Variants in FHIT observed in about 807,000 individuals in gnomAD.
FHIT encodes fragile histidine triad diadenosine triphosphatase.
A neutral mutation model predicts 17.9 loss-of-function variants in FHIT; 19 were observed. The ratio of observed to expected loss-of-function variants is 1.06; its 90% CI spans 0.74 to 1.56. FHIT has a LOEUF of 1.56. FHIT is among the 40% of genes most tolerant of loss of function. The pLI is 0.00. For synonymous variants in FHIT, 81 were observed against 69.7 expected, an observed-to-expected ratio of 1.16 and a Z score of -0.81; for missense variants, 248 against 189.2, an observed-to-expected ratio of 1.31 and a Z score of -1.82.
chr3:60,419,855 T>C (rs557564020), intron 5 of FHIT, among the ~76,000 whole-genome samples: 1 of 152,290 alleles, frequency 6.6e-6, no homozygotes, highest in South Asian at 2.1e-4. Context: ...CTATACTTTT[T>C]CTTCGTTTTG....
chr3:59,804,741 C>T (rs1700129672), intron 8 of FHIT, among the ~76,000 whole-genome samples: 1 of 152,176 alleles, frequency 6.6e-6, no homozygotes, highest in East Asian at 1.9e-4. Context: ...GCCTGCAGAC[C>T]CTATTTTCCT....
chr3:60,333,425 A>C (rs1382745125), intron 5 of FHIT, among the ~76,000 whole-genome samples: 2 of 152,200 alleles, frequency 1.3e-5, no homozygotes, highest in Admixed American at 1.3e-4. Flanking sequence ...TGTGAAAAAC[A>C]GTATTGCTGA....
intron 5 of FHIT, among the ~76,000 whole-genome samples, chr3:60,345,081 T>C (rs1710709745): frequency 6.6e-6 from 1 of 152,230 alleles, no homozygotes; most frequent in Non-Finnish European, 1.5e-5. Context: ...AGGAACATCC[T>C]AATCCCTTTT....
At chr3:60,097,469 C>T (rs533428277) in intron 5 of FHIT, among the ~76,000 whole-genome samples, 22 of 152,188 alleles carry the variant, frequency 1.4e-4, no homozygotes, top group African/African-American at 4.1e-4. Context: ...CTACCTTGAA[C>T]AACATGAGTT....
chr3:60,587,136 A>T (rs1482728892), intron 4 of FHIT, among the ~76,000 whole-genome samples: 1 of 152,090 alleles, frequency 6.6e-6, no homozygotes, highest in East Asian at 1.9e-4. Flanking sequence ...GATAAAGAAA[A>T]AGTAGTATAT....
intron 4 of FHIT, among the ~76,000 whole-genome samples, chr3:60,731,062 C>T (rs751458972): frequency 6.6e-6 from 1 of 151,830 alleles, no homozygotes; most frequent in African/African-American, 2.4e-5. Context: ...ACTTGGCAGG[C>T]GAAGGTTGCA....
At chr3:60,441,519 T>A (rs1483299806) in intron 5 of FHIT, among the ~76,000 whole-genome samples, 1 of 151,186 alleles carries the variant, frequency 6.6e-6, no homozygotes, top group Non-Finnish European at 1.5e-5. Context: ...TTTATTTACC[T>A]TAGAGAATAG....
chr3:59,869,098 A>G (rs909145189), intron 8 of FHIT, among the ~76,000 whole-genome samples: 1 of 152,188 alleles, frequency 6.6e-6, no homozygotes, highest in Non-Finnish European at 1.5e-5. Flanking sequence ...CTATTATCAG[A>G]AAGAGTTGGA....
chr3:60,942,769 C>A (rs545687785), intron 3 of FHIT, among the ~76,000 whole-genome samples: 1 of 152,212 alleles, frequency 6.6e-6, no homozygotes, highest in South Asian at 2.1e-4. Flanking sequence ...TTTATTTATA[C>A]CTTTTTAATT....
At chr3:60,912,429 T>C (rs1406437753) in intron 3 of FHIT, among the ~76,000 whole-genome samples, 1 of 152,142 alleles carries the variant, frequency 6.6e-6, no homozygotes, top group East Asian at 1.9e-4. Context: ...ATGGGGTTAT[T>C]ATAGGGATTA....
At chr3:60,688,351 C>A (rs1237453642) in intron 4 of FHIT, among the ~76,000 whole-genome samples, 1 of 151,664 alleles carries the variant, frequency 6.6e-6, no homozygotes, top group Non-Finnish European at 1.5e-5. Flanking sequence ...AAGAAAATGG[C>A]TTTTTACAAA....
rs756687608 is a variant in FHIT at position 60,395,247 on chromosome 3, T to G, written c.103+141613A>C. Among the ~76,000 whole-genome samples, 3 of 152,130 alleles carry G rather than the reference T, an allele frequency of 2.0e-5. No homozygotes were observed. The South Asian group carries it at 6.2e-4, about 32-fold the overall frequency. ...CAGATAAGCCATATCATCATGATCA[T>G]TGTTTTTAGATACCACTGCCTGGAC... On this transcript the variant is annotated intron_variant, in intron 5 of 9. Coordinates refer to ENST00000492590, the MANE Select transcript of FHIT (RefSeq NM_002012.4).
At chr3:60,027,829 T>C (rs186238321) in intron 5 of FHIT, among the ~76,000 whole-genome samples, 18 of 152,290 alleles carry the variant, frequency 1.2e-4, no homozygotes, top group East Asian at 5.8e-4. Flanking sequence ...TCACTGCCTA[T>C]AGAGCAGTGC....
chr3:60,612,039 T>G (rs1559580902), intron 4 of FHIT, among the ~76,000 whole-genome samples: 2 of 152,162 alleles, frequency 1.3e-5, no homozygotes, highest in South Asian at 4.1e-4. Flanking sequence ...CTGCTCTACC[T>G]AATGATGCTC....
intron 3 of FHIT, among the ~76,000 whole-genome samples, chr3:60,981,284 T>A (rs1036669218): frequency 6.8e-6 from 1 of 147,618 alleles, no homozygotes; most frequent in Non-Finnish European, 1.5e-5. Context: ...CCTTCTCCCC[T>A]TTCTTCCTTC....
At chr3:59,785,255 C>CA (rs1288535700) in intron 8 of FHIT, among the ~76,000 whole-genome samples, 5 of 151,642 alleles carry the variant, frequency 3.3e-5, no homozygotes, top group Non-Finnish European at 5.9e-5. Context: ...CTATTTATGG[C>CA]ATATTATAAA....
intron 2 of FHIT, among the ~76,000 whole-genome samples, chr3:61,140,022 CAAAAAAAA>C (rs112352685): frequency 2.7e-5 from 3 of 110,052 alleles, no homozygotes; most frequent in Admixed American, 2.6e-4. Flanking sequence ...CAAGAGAAAG[CAAAAAAAA>C]AAAAAAAATA....
At chr3:60,404,092 C>A (rs1044499500) in intron 5 of FHIT, among the ~76,000 whole-genome samples, 5 of 152,288 alleles carry the variant, frequency 3.3e-5, no homozygotes, top group East Asian at 1.9e-4. Context: ...AGAAGTGCAA[C>A]TTTGTAAATT....
At chr3:60,228,938 G>A (rs567055355) in intron 5 of FHIT, among the ~76,000 whole-genome samples, 30 of 152,134 alleles carry the variant, frequency 2.0e-4, no homozygotes, top group Admixed American at 1.0e-3. Flanking sequence ...CATCAGTAAA[G>A]GGCAAGGAAG....
Sources: allele counts gnomAD v4.1 joint callset (sites outside exome capture counted in the v4.1 genomes callset), GRCh38; gene constraint gnomAD v4.1.1; transcripts MANE v1.5; gene names NCBI Gene and HGNC (gene_info 2026-07-23, HGNC 2026-07-21).